P2RY8: variants seen among roughly 807,000 people sequenced by gnomAD.
P2RY8 encodes the protein P2Y receptor family member 8.
In P2RY8, 6 loss-of-function variants were observed where a neutral mutation model predicts 10.0. The observed-to-expected ratio is 0.60, with a 90% confidence interval of 0.33 to 1.19. The LOEUF (loss-of-function observed/expected upper bound fraction) is 1.19. P2RY8 is among the 50% of genes most tolerant of loss of function. The pLI, the probability that P2RY8 is intolerant of heterozygous loss-of-function variation, is 0.04. For missense variants in P2RY8, 456 were observed against 542.0 expected (o/e 0.84, Z 1.58); for synonymous variants, 276 against 252.5 (o/e 1.09, Z -0.88).
rs776491606 is a variant in P2RY8, at chrX:1,495,600, G to A, written c.-24-29018C>T. Among the ~76,000 whole-genome samples the A allele has an allele frequency of 5.6e-4, 78 of 139,188 alleles. 5 individuals carry two copies. The highest frequency in any genetic ancestry group is 2.1e-3 in the African/African-American group (76 of 35,564). The allele number at this position is 139,188 out of a possible 152,430, so 91.3% of individuals were successfully genotyped here. A position where few individuals can be genotyped will look rare whatever the true frequency, so the allele number is the denominator to read the frequency against. On this transcript the variant is annotated intron_variant, in intron 1 of 1. Coordinates refer to ENST00000381297, the MANE Select transcript of P2RY8 (RefSeq NM_178129.5). Reference sequence around the variant, plus strand: ...AATCAATGTTTGTTGTTTCTAAGCTGCCCAGTCTATGGTATTCTGGGATAG... The same window carrying A: ...AATCAATGTTTGTTGTTTCTAAGCTACCCAGTCTATGGTATTCTGGGATAG...
At chrX:1,515,052 G>T (rs747880433) in intron 1 of P2RY8, among the ~76,000 whole-genome samples, 2 of 149,722 alleles carry the variant, frequency 1.3e-5, no homozygotes, top group African/African-American at 4.9e-5. Flanking sequence ...GGGATTACAG[G>T]CACCCACCAC....
intron 1 of P2RY8, among the ~76,000 whole-genome samples, chrX:1,479,134 G>T: frequency 6.6e-6 from 1 of 152,290 alleles, no homozygotes; most frequent in Non-Finnish European, 1.5e-5. Context: ...GAAATAGAGA[G>T]CTCTGTATTC....
Position 1,504,714 on chromosome X carries a change from T to C in P2RY8, c.-25+32207A>G, listed in dbSNP as rs186317911. ...TAAAAATACAAAATTAGGTCGGGTG[T>C]TGTGGCTCACGCCTGTAATCCCAGC... On this transcript the variant is annotated intron_variant, in intron 1 of 1. Transcript: ENST00000381297. Among the ~76,000 whole-genome samples the C allele has an allele frequency of 3.0e-3, 463 of 152,140 alleles. 7 individuals are homozygous for C. The highest frequency in any genetic ancestry group is 9.4e-3 in the Admixed American group (143 of 15,278).
At chrX:1,480,942 G>A (rs4578147) in intron 1 of P2RY8, among the ~76,000 whole-genome samples, 111,733 of 151,052 alleles carry the variant, frequency 0.74, 41,965 homozygotes, top group African/African-American at 0.86. Context: ...GCCACCTCAC[G>A]AAAGATGCTT....
intron 1 of P2RY8, among the ~76,000 whole-genome samples, chrX:1,481,806 C>A (rs1456707409): frequency 2.0e-5 from 3 of 152,140 alleles, no homozygotes; most frequent in Non-Finnish European, 2.9e-5. Flanking sequence ...AGCTGGCAGG[C>A]GTCAGGGGAT....
At chrX:1,518,419 C>T (rs1215768698) in intron 1 of P2RY8, among the ~76,000 whole-genome samples, 1 of 85,642 alleles carries the variant, frequency 1.2e-5, no homozygotes, top group African/African-American at 4.4e-5. Context: ...GAGCGAGACT[C>T]CGTCTCAAAA....
intron 1 of P2RY8, among the ~76,000 whole-genome samples, chrX:1,471,088 A>G (rs2091778630): frequency 2.0e-5 from 3 of 149,130 alleles, no homozygotes; most frequent in Admixed American, 6.7e-5. Context: ...GCTCTCGGCA[A>G]CCTCCGCTTC....
At chrX:1,530,964 C>CATGT (rs781440346) in intron 1 of P2RY8, among the ~76,000 whole-genome samples, 10,580 of 151,272 alleles carry the variant, frequency 0.07, 504 homozygotes, top group Non-Finnish European at 0.1. Context: ...TCTATTTATC[C>CATGT]ATGTATGTAT....
Position 1,537,061 on chromosome X carries a change from C to G in P2RY8, c.-165G>C. The G allele has an allele frequency of 4.3e-6, 1 of 232,658 alleles. No individual in the cohort carries two copies. The highest frequency in any genetic ancestry group is 8.5e-6 in the Non-Finnish European group (1 of 117,698). The allele number at this position is 232,658 out of a possible 1,614,324, so 14.4% of individuals were successfully genotyped here. A position where few individuals can be genotyped will look rare whatever the true frequency, so the allele number is the denominator to read the frequency against. On this transcript the variant is annotated 5_prime_UTR_variant, in exon 1 of 2. Transcript: ENST00000381297. ...CACCAGCTTGCAAGCCGTGGTCACT[C>G]AAAGTGCTTGAGAAGGTGTTCGTGG...
intron 1 of P2RY8, among the ~76,000 whole-genome samples, chrX:1,490,449 T>C (rs1156364719): frequency 2.7e-5 from 4 of 145,558 alleles, no homozygotes; most frequent in Non-Finnish European, 4.5e-5. Flanking sequence ...AATGAATGAA[T>C]GATACCCAGA....
At chrX:1,536,256 AG>A (rs1416575542) in intron 1 of P2RY8, among the ~76,000 whole-genome samples, 1 of 150,912 alleles carries the variant, frequency 6.6e-6, no homozygotes, top group Non-Finnish European at 1.5e-5. Context: ...TCATGGAATG[AG>A]TTTTTTTTTG....
chrX:1,486,768 T>C (rs1248312934), intron 1 of P2RY8, among the ~76,000 whole-genome samples: 1 of 152,216 alleles, frequency 6.6e-6, no homozygotes, highest in Non-Finnish European at 1.5e-5. Context: ...AGGACATTCC[T>C]CAGGTTTCTG....
chrX:1,515,546 T>G (rs1335237998), intron 1 of P2RY8, among the ~76,000 whole-genome samples: 1 of 151,270 alleles, frequency 6.6e-6, no homozygotes, highest in African/African-American at 2.4e-5. Flanking sequence ...TAATTTTGTA[T>G]TTTTAGAAGA....
intron 1 of P2RY8, among the ~76,000 whole-genome samples, chrX:1,526,235 T>G (rs1411939850): frequency 6.6e-6 from 1 of 151,752 alleles, no homozygotes; most frequent in Non-Finnish European, 1.5e-5. Flanking sequence ...CATCCATTTA[T>G]CCATACATCC....
chrX:1,523,152 T>C (rs1245008398), intron 1 of P2RY8, among the ~76,000 whole-genome samples: 3 of 151,774 alleles, frequency 2.0e-5, no homozygotes, highest in African/African-American at 4.8e-5. Flanking sequence ...AAAAAAGATA[T>C]AGCAAATAGT....
At chrX:1,521,944 C>CTTTTTTTT (rs751056296) in intron 1 of P2RY8, among the ~76,000 whole-genome samples, 408 of 39,028 alleles carry the variant, frequency 0.01, 94 homozygotes, top group African/African-American at 0.017. Flanking sequence ...CTCTCGCTCT[C>CTTTTTTTT]TTTTTTTTTT....
rs2091668553 is a variant in P2RY8 at position 1,466,013 on chromosome X, C to G, written c.546G>C (p.Thr182=). ...CCCACATGGCCACGCTGGGGAGCAT[C>G]GTCCACTTGAGGACGTCGAAGCAGG... is the stretch of plus-strand genomic sequence containing the variant. The part of the protein sequence containing the change: ...IITCFDVLKW[T]MLPSVAMWAV... Residue 182 remains threonine, a synonymous_variant, in exon 2 of 2, where the codon ACG becomes ACC. Coordinates refer to ENST00000381297, the MANE Select transcript of P2RY8 (RefSeq NM_178129.5). 6.2e-7 allele frequency: 1 copy of G among 1,612,136 alleles called. No individual in the cohort carries two copies. The highest frequency in any genetic ancestry group is 1.7e-5 in the Admixed American group (1 of 60,022).
Position 1,465,874 on chromosome X carries a change from G to T in P2RY8, c.685C>A (p.Arg229=), listed in dbSNP as rs768829874. 1 of 1,612,458 alleles carries T rather than the reference G, an allele frequency of 6.2e-7. No individual in the cohort carries two copies. The highest frequency in any genetic ancestry group is 1.7e-5 in the Admixed American group (1 of 59,972). ...KLLRTEEAHG[R]EQRRRAVGLA... is the part of the protein sequence containing the mutation. ...CCCACCGCGCGCCTCCGCTGCTCCCGGCCGTGCGCCTCCTCCGTGCGCAAC... is the reference window on the plus strand; with the variant it reads ...CCCACCGCGCGCCTCCGCTGCTCCCTGCCGTGCGCCTCCTCCGTGCGCAAC... The change falls in exon 2 of 2, where the codon CGG becomes AGG. Residue 229 remains arginine (R), a synonymous_variant. Transcript: ENST00000381297.
At chrX:1,504,140 A>T (rs1462275542) in intron 1 of P2RY8, among the ~76,000 whole-genome samples, 2 of 151,116 alleles carry the variant, frequency 1.3e-5, no homozygotes, top group African/African-American at 4.9e-5. Flanking sequence ...ATATGATGAA[A>T]CCCCGTCTCT....
Sources: gnomAD v4.1 joint callset for allele counts (sites outside exome capture counted in the v4.1 genomes callset) on GRCh38, gnomAD v4.1.1 for gene constraint, MANE v1.5 for transcripts, NCBI Gene and HGNC (gene_info 2026-07-23, HGNC 2026-07-21) for gene names.